Variants in ACAP2 observed in about 807,000 individuals in gnomAD.
ACAP2 encodes arf-GAP with coiled-coil, ANK repeat and PH domain-containing protein 2.
Under a neutral mutation model 115.8 loss-of-function variants are expected in ACAP2, and 39 were observed. The observed-to-expected ratio is 0.34, with a 90% confidence interval of 0.26 to 0.44. The LOEUF is 0.44. ACAP2 is among the 20% of genes least tolerant of loss of function. The pLI is 1.00. For missense variants in ACAP2, 662 were observed against 927.6 expected (o/e 0.71, Z 3.72); for synonymous variants, 289 against 315.8 (o/e 0.92, Z 0.90).
intron 4 of ACAP2, among the ~76,000 whole-genome samples, chr3:195,359,107 A>T (rs1732178811): frequency 6.6e-6 from 1 of 152,198 alleles, no homozygotes; most frequent in Admixed American, 6.5e-5. Context: ...CATGAAGGAT[A>T]ATTAAAGATT....
chr3:195,294,991 T>C (rs1199775518), intron 17 of ACAP2, among the ~76,000 whole-genome samples, 180 bp from the exon 18 acceptor site: 2 of 152,146 alleles, frequency 1.3e-5, no homozygotes, highest in East Asian at 3.8e-4. Context: ...TATAAATCAA[T>C]CATAAAACCT....
chr3:195,353,898 G>A (rs907409591), intron 4 of ACAP2, among the ~76,000 whole-genome samples: 16 of 152,022 alleles, frequency 1.1e-4, no homozygotes, highest in African/African-American at 3.6e-4. Flanking sequence ...TAGGTAAACG[G>A]GTGTCACAGG....
chr3:195,411,122 A>G (rs879653052), intron 1 of ACAP2: 17 of 193,236 alleles, frequency 8.8e-5, no homozygotes, highest in Non-Finnish European at 1.7e-4. Flanking sequence ...GCTACTAAAA[A>G]AAACATAACA....
chr3:195,411,310 C>A (rs1438689885), intron 1 of ACAP2, among the ~76,000 whole-genome samples: 1 of 152,124 alleles, frequency 6.6e-6, no homozygotes, highest in Non-Finnish European at 1.5e-5. Context: ...AAACTGAGTA[C>A]CGAAGAAATA....
chr3:195,355,988 G>T (rs1254494958), intron 4 of ACAP2: 2 of 409,742 alleles, frequency 4.9e-6, no homozygotes, highest in Non-Finnish European at 1.0e-5. Flanking sequence ...TGTCCTCCCT[G>T]CAGGAACACC....
intron 4 of ACAP2, among the ~76,000 whole-genome samples, chr3:195,351,203 C>T (rs564297402): frequency 6.4e-5 from 9 of 139,606 alleles, no homozygotes; most frequent in East Asian, 6.2e-4. Context: ...CTGCAACCTC[C>T]GCCTCCCAGG....
chr3:195,318,514 G>A (rs1729237856), intron 10 of ACAP2, among the ~76,000 whole-genome samples: 1 of 152,156 alleles, frequency 6.6e-6, no homozygotes. Context: ...TTGGGAACTG[G>A]AACAAATGTC....
chr3:195,306,790 G>A, intron 12 of ACAP2, 174 bp from the exon 13 acceptor site: 16 of 368,426 alleles, frequency 4.3e-5, no homozygotes, highest in South Asian at 1.1e-4. Flanking sequence ...TGTTAACGAA[G>A]AAATTAAGGT....
chr3:195,377,968 T>C (rs1733666397), intron 4 of ACAP2, among the ~76,000 whole-genome samples: 1 of 151,304 alleles, frequency 6.6e-6, no homozygotes, highest in African/African-American at 2.4e-5. Flanking sequence ...TTTTTCTTAG[T>C]ATAAAAATTA....
At chr3:195,296,574 G>A (rs1560212290) in intron 16 of ACAP2, among the ~76,000 whole-genome samples, 2 of 152,064 alleles carry the variant, frequency 1.3e-5, no homozygotes, top group Non-Finnish European at 2.9e-5. Flanking sequence ...AATACAATTG[G>A]TCATACATGA....
chr3:195,437,824 A>AG (rs1715665004), intron 1 of ACAP2, among the ~76,000 whole-genome samples: 1 of 149,190 alleles, frequency 6.7e-6, no homozygotes, highest in African/African-American at 2.5e-5. Context: ...CAAAAAAAAA[A>AG]AAAAAAAAAA....
intron 4 of ACAP2, among the ~76,000 whole-genome samples, chr3:195,367,111 CA>C (rs1732781524): frequency 6.6e-6 from 1 of 150,826 alleles, no homozygotes; most frequent in South Asian, 2.1e-4. Flanking sequence ...CATGGTTTGC[CA>C]AACTGTGCTC....
chr3:195,324,732 C>T (rs148875530), intron 9 of ACAP2, among the ~76,000 whole-genome samples: 1,964 of 151,708 alleles, frequency 0.013, 35 homozygotes, highest in African/African-American at 0.043. Flanking sequence ...CCAGCCTGGG[C>T]GACAGGACCA....
At chr3:195,417,734 G>T (rs1713855364) in intron 1 of ACAP2, among the ~76,000 whole-genome samples, 1 of 152,108 alleles carries the variant, frequency 6.6e-6, no homozygotes, top group South Asian at 2.1e-4. Context: ...GATTACCTGA[G>T]CCCAGGAGTT....
rs149568292 is a variant in ACAP2, at chr3:195,381,652, A to C, written c.231+251T>G. Among the ~76,000 whole-genome samples, 201 of 152,282 alleles carry C rather than the reference A, an allele frequency of 1.3e-3. 1 individual carries two copies. Among genetic ancestry groups the C allele is most frequent in the African/African-American group, 4.7e-3 (195 of 41,564 alleles). ...TGCTTCAGCTCACCTAGCAGCAAGT[A>C]AACTTAATAAACTAACCACAACAAT... is the stretch of plus-strand genomic sequence containing the variant. On this transcript the variant is annotated intron_variant, in intron 3 of 22. Coordinates refer to ENST00000326793, the MANE Select transcript of ACAP2 (RefSeq NM_012287.6).
intron 10 of ACAP2, among the ~76,000 whole-genome samples, chr3:195,315,465 G>C (rs970916238): frequency 4.6e-5 from 7 of 152,158 alleles, no homozygotes; most frequent in Non-Finnish European, 8.8e-5. Context: ...TTAAAATGAA[G>C]TATTTTTTCA....
chr3:195,320,667 G>T, intron 10 of ACAP2, 34 bp downstream of exon 10: 1 of 1,450,448 alleles, frequency 6.9e-7, no homozygotes, highest in Non-Finnish European at 9.7e-7. Flanking sequence ...TCAAAACTAT[G>T]TATAGATCAA....
chr3:195,438,024 A>T (rs1560373812), intron 1 of ACAP2, among the ~76,000 whole-genome samples: 1 of 111,458 alleles, frequency 9.0e-6, no homozygotes, highest in Non-Finnish European at 1.9e-5. Flanking sequence ...ACCTGCAAGA[A>T]TTTTCTTTTT....
intron 1 of ACAP2, among the ~76,000 whole-genome samples, chr3:195,408,439 G>C (rs1712973065): frequency 6.6e-6 from 1 of 152,120 alleles, no homozygotes; most frequent in African/African-American, 2.4e-5. Context: ...ACTCCAGCCT[G>C]GGTGACAGAG....
Sources: gnomAD v4.1 joint callset for allele counts (sites outside exome capture counted in the v4.1 genomes callset) on GRCh38, gnomAD v4.1.1 for gene constraint, MANE v1.5 for transcripts, NCBI Gene and HGNC (gene_info 2026-07-23, HGNC 2026-07-21) for gene names.